The following GPC6 variants were observed in gnomAD, a reference collection of about 807,000 sequenced individuals.
The protein encoded by GPC6 is glypican-6.
In GPC6, 14 loss-of-function variants were observed where a neutral mutation model predicts 55.2. That is an observed-to-expected ratio of 0.25 (90% CI 0.17 to 0.40). The LOEUF (loss-of-function observed/expected upper bound fraction) is 0.40. Among genes scored for constraint, GPC6 ranks in the 10% least tolerant of loss-of-function variants. GPC6 has a pLI of 1.00. For synonymous variants in GPC6, 278 were observed against 259.6 expected (o/e 1.07, Z -0.68); for missense variants, 641 against 708.5 (o/e 0.90, Z 1.08).
At chr13:93,360,893 T>A (rs969423680) in intron 1 of GPC6, among the ~76,000 whole-genome samples, 2 of 152,180 alleles carry the variant, frequency 1.3e-5, no homozygotes, top group African/African-American at 4.8e-5. Context: ...TGGAAGCCTT[T>A]AACTCCGTGA....
chr13:93,932,496 C>T (rs1364595222), intron 3 of GPC6, among the ~76,000 whole-genome samples: 7 of 152,110 alleles, frequency 4.6e-5, no homozygotes, highest in Admixed American at 4.6e-4. Context: ...TATTTTTCTA[C>T]CTAGAAACAA....
chr13:94,123,797 G>A (rs1444220241), intron 4 of GPC6, among the ~76,000 whole-genome samples: 2 of 151,958 alleles, frequency 1.3e-5, no homozygotes, highest in Non-Finnish European at 2.9e-5. Flanking sequence ...CATTTCAAAG[G>A]TCAGCTTTGC....
intron 4 of GPC6, among the ~76,000 whole-genome samples, chr13:94,055,196 A>G (rs1884089696): frequency 6.6e-6 from 1 of 152,220 alleles, no homozygotes; most frequent in Non-Finnish European, 1.5e-5. Flanking sequence ...GGGAGCTGAG[A>G]ATCAGCCCTG....
intron 4 of GPC6, among the ~76,000 whole-genome samples, chr13:94,164,318 A>AT (rs1407696396): frequency 6.6e-6 from 1 of 151,836 alleles, no homozygotes; most frequent in African/African-American, 2.4e-5. Flanking sequence ...CATCACCTTT[A>AT]TTTTTTTTCT....
rs1002422543 is a variant in GPC6, at chr13:93,826,662, G to A, written c.320-3492G>A. On this transcript the variant is annotated intron_variant, in intron 2 of 8. Coordinates refer to ENST00000377047, the MANE Select transcript of GPC6 (RefSeq NM_005708.5). The stretch of plus-strand genomic sequence containing the variant: ...AAGCTTTTGCTGTGTGATGTAGACT[G>A]TAGAGAGCCTCTTGTCTGCCTTTTT... Among the ~76,000 whole-genome samples the A allele has an allele frequency of 3.9e-5, 6 of 152,190 alleles. No individual in the cohort carries two copies. The South Asian group carries it at 8.3e-4, about 21-fold the overall frequency.
At chr13:94,344,598 G>A (rs73551883) in intron 6 of GPC6, among the ~76,000 whole-genome samples, 1,718 of 152,318 alleles carry the variant, frequency 0.011, 30 homozygotes, top group African/African-American at 0.039. Flanking sequence ...TCATTGCCCC[G>A]AAATGAGTCA....
chr13:93,625,769 C>G (rs921400104), intron 2 of GPC6, among the ~76,000 whole-genome samples: 1 of 152,148 alleles, frequency 6.6e-6, no homozygotes, highest in Non-Finnish European at 1.5e-5. Flanking sequence ...TTTTTTAATG[C>G]AAATGTGCTC....
intron 3 of GPC6, among the ~76,000 whole-genome samples, chr13:94,008,936 C>A (rs1276869215): frequency 6.6e-6 from 1 of 151,972 alleles, no homozygotes. Context: ...ATTTAATAAC[C>A]ACCCTATCAT....
At chr13:93,217,376 C>A in the GPC6 span, among the ~76,000 whole-genome samples, 1 of 152,196 alleles carries the variant, frequency 6.6e-6, no homozygotes, top group African/African-American at 2.4e-5. Flanking sequence ...GGGCAAATAT[C>A]TAAATTTGGT....
At chr13:93,969,519 C>A (rs1880192028) in intron 3 of GPC6, among the ~76,000 whole-genome samples, 1 of 152,160 alleles carries the variant, frequency 6.6e-6, no homozygotes, top group South Asian at 2.1e-4. Flanking sequence ...TATCCTTACC[C>A]CTTCACCTCC....
chr13:93,765,862 T>C (rs1243269619), intron 2 of GPC6, among the ~76,000 whole-genome samples: 1 of 152,206 alleles, frequency 6.6e-6, no homozygotes, highest in Non-Finnish European at 1.5e-5. Flanking sequence ...GTTGTTTCAC[T>C]TTTTTTGAAA....
chr13:93,632,798 G>A (rs920503026), intron 2 of GPC6, among the ~76,000 whole-genome samples: 2 of 151,572 alleles, frequency 1.3e-5, no homozygotes, highest in African/African-American at 4.8e-5. Flanking sequence ...TTTCCAAAAC[G>A]CATGTCAAAT....
chr13:93,841,292 C>G (rs535003822), intron 3 of GPC6, among the ~76,000 whole-genome samples: 1 of 152,054 alleles, frequency 6.6e-6, no homozygotes, highest in Non-Finnish European at 1.5e-5. Flanking sequence ...ATAGGGAATA[C>G]GACATCCTAA....
At chr13:93,978,768 G>T (rs1880639229) in intron 3 of GPC6, among the ~76,000 whole-genome samples, 1 of 151,872 alleles carries the variant, frequency 6.6e-6, no homozygotes, top group East Asian at 1.9e-4. Context: ...CTCCTACAAA[G>T]GTAAGACTTA....
chr13:93,439,290 C>T (rs1877687673), intron 1 of GPC6, among the ~76,000 whole-genome samples: 1 of 152,062 alleles, frequency 6.6e-6, no homozygotes. Flanking sequence ...TGAATTGGAG[C>T]TCCCACAATT....
chr13:93,451,008 T>A (rs1198375232), intron 1 of GPC6, among the ~76,000 whole-genome samples: 1 of 152,190 alleles, frequency 6.6e-6, no homozygotes, highest in Non-Finnish European at 1.5e-5. Flanking sequence ...TATAACAGGA[T>A]AATACATTAC....
intron 6 of GPC6, among the ~76,000 whole-genome samples, chr13:94,317,670 T>C (rs914719855): frequency 2.0e-5 from 3 of 152,252 alleles, no homozygotes; most frequent in African/African-American, 7.2e-5. Context: ...GTCAAGTTTT[T>C]TTTGACAAAA....
chr13:94,314,804 G>C (rs1357649486), intron 6 of GPC6, among the ~76,000 whole-genome samples: 1 of 152,188 alleles, frequency 6.6e-6, no homozygotes, highest in Non-Finnish European at 1.5e-5. Context: ...TGATGTATTT[G>C]CTGTATAATC....
At chr13:94,265,830 A>C (rs1214449900) in intron 4 of GPC6, among the ~76,000 whole-genome samples, 1 of 152,224 alleles carries the variant, frequency 6.6e-6, no homozygotes, top group Admixed American at 6.5e-5. Flanking sequence ...AGATTTGTAT[A>C]AGTAAATGCC....
Sources: allele counts gnomAD v4.1 joint callset (sites outside exome capture counted in the v4.1 genomes callset), GRCh38; gene constraint gnomAD v4.1.1; transcripts MANE v1.5; gene names NCBI Gene and HGNC (gene_info 2026-07-23, HGNC 2026-07-21).